Variants in SULF2 observed in about 807,000 individuals in gnomAD.
SULF2 encodes sulfatase 2.
SULF2 carries 52 observed loss-of-function variants against 107.7 expected under a neutral mutation model. The observed-to-expected ratio is 0.48, with a 90% CI of 0.39 to 0.61. The LOEUF is 0.61. Among genes scored for constraint, SULF2 ranks in the 20% least tolerant of loss-of-function variants. The pLI, the probability that SULF2 is intolerant of heterozygous loss-of-function variation, is 0.00. For missense variants in SULF2, 993 were observed against 1,177.3 expected (o/e 0.84, Z 2.29); for synonymous variants, 460 against 464.3 (o/e 0.99, Z 0.12).
intron 3 of SULF2, among the ~76,000 whole-genome samples, chr20:47,703,369 C>T (rs934563434): frequency 3.3e-5 from 5 of 152,174 alleles, no homozygotes; most frequent in African/African-American, 1.2e-4. Flanking sequence ...GGCTTATGCT[C>T]ATATTGGAAG....
intron 18 of SULF2, among the ~76,000 whole-genome samples, chr20:47,660,502 G>A (rs2087030479): frequency 6.6e-6 from 1 of 152,176 alleles, no homozygotes; most frequent in Admixed American, 6.5e-5. Flanking sequence ...CCTAGACACA[G>A]TCCCTTCCCC....
At chr20:47,728,648 AT>A (rs980343233) in intron 3 of SULF2, among the ~76,000 whole-genome samples, 3 of 121,986 alleles carry the variant, frequency 2.5e-5, no homozygotes, top group African/African-American at 6.4e-5. Flanking sequence ...CTGGCATTTT[AT>A]TTATTTATTT....
intron 3 of SULF2, among the ~76,000 whole-genome samples, chr20:47,730,004 C>T (rs1307621453): frequency 6.6e-6 from 1 of 152,178 alleles, no homozygotes; most frequent in African/African-American, 2.4e-5. Flanking sequence ...TGGGGTGCCC[C>T]AAGTGTAGTG....
chr20:47,705,347 C>T (rs1211325266), intron 3 of SULF2, among the ~76,000 whole-genome samples: 3 of 152,144 alleles, frequency 2.0e-5, no homozygotes, highest in Admixed American at 6.5e-5. Context: ...GGCGGGGAAC[C>T]GGCTGCAGTC....
rs956936028 is a variant in SULF2 at position 47,661,966 on chromosome 20, A to G, written c.2371-70T>C. ...CTCTCGCCCTGCCCTTCTACCAACC[A>G]GGGGACATATTTCAGGCAGGTGGCG... On this transcript the variant is annotated intron_variant, in intron 17 of 20. Coordinates refer to ENST00000688720, the MANE Select transcript of SULF2 (RefSeq NM_001387048.1). 1.0e-5 allele frequency: 14 copies of G among 1,371,776 alleles called. No homozygotes were observed. In the East Asian group the frequency reaches 2.7e-4, roughly 26 times the overall value. 85.0% of individuals were successfully genotyped at this position (1,371,776 alleles called of 1,614,324 possible). A position where few individuals can be genotyped will look rare whatever the true frequency, so the allele number is the denominator to read the frequency against.
chr20:47,678,646 C>T lies in SULF2; in HGVS notation c.1193+30G>A, dbSNP rs1028735957. 1.2e-6 allele frequency: 2 copies of T among 1,611,758 alleles called. No individual in the cohort carries two copies. The highest frequency in any genetic ancestry group is 1.3e-5 in the African/African-American group (1 of 74,886). On this transcript the variant is annotated intron_variant, in intron 8 of 20. Coordinates refer to ENST00000688720, the MANE Select transcript of SULF2 (RefSeq NM_001387048.1). The surrounding 1 kb of genome is among the most constrained non-coding windows in gnomAD (Gnocchi z 4.5). ...GTTCCCGCAGGTCAATGTCCCGGCC[C>T]CCTCAACACCTGCCCTGCTCCGTCC...
rs182777324 is a variant in SULF2, at chr20:47,744,876, C to G, written c.176-7934G>C. The stretch of plus-strand genomic sequence containing the variant: ...TCCAGGCCGCGTCCTTCTCCTGATT[C>G]CTCTCTTACCTGTTTTGTTTTGTAT... On this transcript the variant is annotated intron_variant, in intron 2 of 20. Coordinates refer to ENST00000688720, the MANE Select transcript of SULF2 (RefSeq NM_001387048.1). Among the ~76,000 whole-genome samples, 130 of 152,312 alleles carry G rather than the reference C, an allele frequency of 8.5e-4. 1 individual carries two copies. Among genetic ancestry groups the G allele is most frequent in the African/African-American group, 2.9e-3 (119 of 41,568 alleles).
intron 7 of SULF2, among the ~76,000 whole-genome samples, chr20:47,679,204 A>G (rs2087748332): frequency 1.3e-5 from 2 of 152,082 alleles, no homozygotes; most frequent in Non-Finnish European, 2.9e-5. Flanking sequence ...GCCCAGGCAC[A>G]GTGCAGCCTC....
rs549976437 is a variant in SULF2, at chr20:47,672,361, C to T, written c.1413G>A (p.Lys471=). ...GGCCCTTGCACTTATGCAGCTTCAG[C>T]TTCCCCGTGGCGTCCTCCACACACT... is the stretch of plus-strand genomic sequence containing the variant. ...KWQCVEDATG[K]LKLHKCKGPM... is the part of the protein sequence containing the mutation. Residue 471 remains lysine, a synonymous_variant, in exon 11 of 21, where the codon AAG becomes AAA. Transcript: ENST00000688720. 13 of 1,612,536 alleles carry T rather than the reference C, an allele frequency of 8.1e-6. No homozygotes were observed. The highest frequency in any genetic ancestry group is 6.7e-5 in the African/African-American group (5 of 75,022).
chr20:47,745,392 AAAAAAAAAAAAAAAAAAAATATATATAT>A (rs1266466427), intron 2 of SULF2, among the ~76,000 whole-genome samples: 20 of 15,782 alleles, frequency 1.3e-3, no homozygotes, highest in South Asian at 3.0e-3. Context: ...GAAAAAAAAA[AAAAAAAAAAAAAAAAAAAATATATATAT>A]ATATATATAT....
At chr20:47,740,318 C>G (rs1315972260) in intron 2 of SULF2, among the ~76,000 whole-genome samples, 2 of 152,202 alleles carry the variant, frequency 1.3e-5, no homozygotes, top group African/African-American at 2.4e-5. Flanking sequence ...CAAAATGTCA[C>G]AGTCACACGG....
chr20:47,690,843 T>C (rs1277158508), intron 4 of SULF2, among the ~76,000 whole-genome samples: 1 of 142,094 alleles, frequency 7.0e-6, no homozygotes, highest in Non-Finnish European at 1.5e-5. Context: ...CACTCCAGCC[T>C]GGGTGACAAA....
chr20:47,745,428 T>A (rs1370986735), intron 2 of SULF2, among the ~76,000 whole-genome samples: 328 of 5,692 alleles, frequency 0.058, 29 homozygotes, highest in African/African-American at 0.19. Flanking sequence ...TATATATATA[T>A]ATATATATAT....
At chr20:47,715,901 A>G (rs1415301906) in intron 3 of SULF2, among the ~76,000 whole-genome samples, 1 of 152,056 alleles carries the variant, frequency 6.6e-6, no homozygotes, top group Non-Finnish European at 1.5e-5. Context: ...TTGTTTTTTT[A>G]TCATCCGGTG....
At chr20:47,745,554 G>A (rs1178763301) in intron 2 of SULF2, among the ~76,000 whole-genome samples, 3 of 149,864 alleles carry the variant, frequency 2.0e-5, no homozygotes, top group Non-Finnish European at 4.4e-5. Flanking sequence ...TTGAGACAGA[G>A]TTTCTCTCTT....
At chr20:47,747,952 CA>C (rs913429056) in intron 2 of SULF2, among the ~76,000 whole-genome samples, 2 of 152,196 alleles carry the variant, frequency 1.3e-5, no homozygotes, top group Non-Finnish European at 2.9e-5. Context: ...TCCGTACCAC[CA>C]GCATCTCCCA....
At position 47,710,251 on chromosome 20, in the gene SULF2, T is replaced by C. The variant is rs540444391; in HGVS notation, c.416-7581A>G. On this transcript the variant is annotated intron_variant, in intron 3 of 20. Transcript: ENST00000688720. The stretch of plus-strand genomic sequence containing the variant: ...TGGGGTGTCACTATGTTGCTCACGC[T>C]GGTCTGGAACTCCTGGGCTCAAGTG... Among the ~76,000 whole-genome samples the C allele has an allele frequency of 6.7e-5, 10 of 148,868 alleles. No individual in the cohort carries two copies. In the East Asian group the frequency reaches 1.9e-3, roughly 29 times the overall value.
chr20:47,753,375 C>T (rs2090205912), intron 2 of SULF2, among the ~76,000 whole-genome samples: 1 of 152,200 alleles, frequency 6.6e-6, no homozygotes, highest in South Asian at 2.1e-4. Context: ...GAAAGTTCTT[C>T]TCTTTTCTAG....
intron 1 of SULF2, among the ~76,000 whole-genome samples, chr20:47,764,909 C>T (rs1485018731): frequency 2.0e-5 from 3 of 152,166 alleles, no homozygotes; most frequent in Non-Finnish European, 4.4e-5. Flanking sequence ...CTTACAACCA[C>T]CTTGTGAGTT....
Sources: allele counts gnomAD v4.1 joint callset (sites outside exome capture counted in the v4.1 genomes callset), GRCh38; gene constraint gnomAD v4.1.1; non-coding constraint Gnocchi (gnomAD v3.1); transcripts MANE v1.5; gene names NCBI Gene and HGNC (gene_info 2026-07-23, HGNC 2026-07-21).